The following MMP26 variants were observed in gnomAD, a reference collection of about 807,000 sequenced individuals.
The protein encoded by MMP26 is matrix metallopeptidase 26.
In MMP26, 33 loss-of-function variants were observed where a neutral mutation model predicts 31.0. The ratio of observed to expected loss-of-function variants is 1.06; its 90% CI spans 0.81 to 1.42. MMP26 has a LOEUF of 1.42. Among genes scored for constraint, MMP26 ranks in the 40% most tolerant of loss-of-function variants. The probability of loss-of-function intolerance (pLI) is 0.00; values close to 1 mark genes in which losing one functional copy is unlikely to be tolerated. For synonymous variants in MMP26, 122 were observed against 114.9 expected (o/e 1.06, Z -0.40); for missense variants, 347 against 316.1 (o/e 1.10, Z -0.74).
chr11:4,755,240 GAA>G (rs5789340), intron 1 of MMP26, among the ~76,000 whole-genome samples: 1 of 151,780 alleles, frequency 6.6e-6, no homozygotes, highest in Non-Finnish European at 1.5e-5. Flanking sequence ...AAAGAAAAAA[GAA>G]AAAAAACACA....
chr11:4,918,417 G>GT (rs1415630415), intron 2 of MMP26, among the ~76,000 whole-genome samples: 2 of 152,118 alleles, frequency 1.3e-5, no homozygotes, highest in Non-Finnish European at 2.9e-5. Flanking sequence ...GCTTCAGATT[G>GT]TAAGGAGGTA....
intron 2 of MMP26, chr11:4,915,264 G>A: frequency 6.2e-7 from 1 of 1,613,972 alleles, no homozygotes; most frequent in African/African-American, 1.3e-5. Flanking sequence ...TAGTGCAAGG[G>A]GTGGCAGATA....
chr11:4,741,465 G>C (rs568399956), intron 1 of MMP26, among the ~76,000 whole-genome samples: 1 of 152,290 alleles, frequency 6.6e-6, no homozygotes, highest in African/African-American at 2.4e-5. Context: ...ATACTATGCA[G>C]TCAATAAAAG....
At chr11:4,748,605 C>T (rs76304755) in intron 1 of MMP26, among the ~76,000 whole-genome samples, 1 of 147,934 alleles carries the variant, frequency 6.8e-6, no homozygotes, top group African/African-American at 2.5e-5. Flanking sequence ...AACAATGAAG[C>T]GGGTTTTATT....
At chr11:4,991,287 A>G (rs1846998188) in intron 5 of MMP26, 84 bp from the exon 6 acceptor site, 2 of 1,486,324 alleles carry the variant, frequency 1.3e-6, no homozygotes, top group African/African-American at 1.4e-5. Context: ...ACAGTATCCT[A>G]AGTCTCTGAG....
chr11:4,872,837 T>A (rs1850329279), intron 2 of MMP26, among the ~76,000 whole-genome samples: 1 of 151,918 alleles, frequency 6.6e-6, no homozygotes, highest in African/African-American at 2.4e-5. Flanking sequence ...TGAGGAAAGT[T>A]TAGGGTCAAC....
intron 2 of MMP26, among the ~76,000 whole-genome samples, chr11:4,859,369 A>T (rs1216844757): frequency 2.0e-5 from 3 of 152,234 alleles, no homozygotes; most frequent in Non-Finnish European, 4.4e-5. Context: ...CCCGTGTCAT[A>T]GAAAAGTGTG....
chr11:4,709,540 C>G (rs918088585), intron 1 of MMP26: 3 of 409,488 alleles, frequency 7.3e-6, no homozygotes, highest in Non-Finnish European at 9.7e-6. Flanking sequence ...TAGTTCTTTT[C>G]CTCAAAGACA....
At chr11:4,839,790 C>T (rs7938123) in intron 2 of MMP26, among the ~76,000 whole-genome samples, 1 of 151,598 alleles carries the variant, frequency 6.6e-6, no homozygotes, top group South Asian at 2.1e-4. Context: ...GGGAGAGACT[C>T]CTTCTGCTTG....
At chr11:4,815,553 C>A (rs1849408963) in intron 2 of MMP26, among the ~76,000 whole-genome samples, 2 of 150,394 alleles carry the variant, frequency 1.3e-5, no homozygotes, top group Admixed American at 6.6e-5. Flanking sequence ...ATATAGTCAG[C>A]ACAGCAATGA....
At chr11:4,918,739 C>T (rs1186985060) in intron 2 of MMP26, among the ~76,000 whole-genome samples, 1 of 152,182 alleles carries the variant, frequency 6.6e-6, no homozygotes, top group Non-Finnish European at 1.5e-5. Flanking sequence ...TGCTTTAAGA[C>T]TACTTTCTGA....
intron 1 of MMP26, among the ~76,000 whole-genome samples, chr11:4,747,194 T>G (rs1848393342): frequency 6.6e-6 from 1 of 152,038 alleles, no homozygotes; most frequent in East Asian, 1.9e-4. Context: ...CAAATAGATA[T>G]GACAGAGGTA....
chr11:4,926,846 C>A (rs1036931837), intron 2 of MMP26, among the ~76,000 whole-genome samples: 1 of 152,164 alleles, frequency 6.6e-6, no homozygotes, highest in Non-Finnish European at 1.5e-5. Context: ...AAGCCTAGCA[C>A]AGATTTGGAA....
At chr11:4,971,731 C>T (rs1846668935) in intron 2 of MMP26, among the ~76,000 whole-genome samples, 1 of 152,232 alleles carries the variant, frequency 6.6e-6, no homozygotes, top group African/African-American at 2.4e-5. Flanking sequence ...CACAGTTCTG[C>T]AGACTGTACA....
intron 2 of MMP26, among the ~76,000 whole-genome samples, chr11:4,975,701 C>A (rs2133636016): frequency 6.6e-6 from 1 of 152,100 alleles, no homozygotes; most frequent in East Asian, 1.9e-4. Context: ...CCTCAACCTT[C>A]TCTGTCACTG....
intron 2 of MMP26, among the ~76,000 whole-genome samples, chr11:4,960,325 A>AT (rs71050442): frequency 8.9e-4 from 132 of 148,842 alleles, no homozygotes; most frequent in Middle Eastern, 3.5e-3. Context: ...TATGTGCCTG[A>AT]TTTTTTTTTT....
intron 1 of MMP26, among the ~76,000 whole-genome samples, chr11:4,715,618 G>A (rs565686821): frequency 6.6e-6 from 1 of 152,112 alleles, no homozygotes; most frequent in Non-Finnish European, 1.5e-5. Flanking sequence ...GATTTCTGAG[G>A]GTAGGGAGGA....
At chr11:4,974,004 T>C (rs1846702203) in intron 2 of MMP26, 1 of 151,960 alleles carries the variant, frequency 6.6e-6, no homozygotes, top group Non-Finnish European at 1.5e-5. Context: ...CAACACCAGG[T>C]ATATAGACAT....
At chr11:4,842,212 C>A (rs1020367666) in intron 2 of MMP26, among the ~76,000 whole-genome samples, 1 of 152,074 alleles carries the variant, frequency 6.6e-6, no homozygotes, top group Non-Finnish European at 1.5e-5. Context: ...AGTTAAGGTG[C>A]AGTTTTTATT....
Sources: allele counts gnomAD v4.1 joint callset (sites outside exome capture counted in the v4.1 genomes callset), GRCh38; gene constraint gnomAD v4.1.1; transcripts MANE v1.5; gene names NCBI Gene and HGNC (gene_info 2026-07-23, HGNC 2026-07-21).